The following TMEM272 variants were observed in gnomAD, a reference collection of about 807,000 sequenced individuals.
The protein encoded by TMEM272 is transmembrane protein 272, also known as long intergenic non-protein coding RNA 282.
In TMEM272, 8 loss-of-function variants were observed where a neutral mutation model predicts 3.7. The observed-to-expected ratio is 2.17, with a 90% CI of 1.27 to 3.91. TMEM272 has a LOEUF of 3.91. Among genes scored for constraint, TMEM272 ranks in the 30% most tolerant of loss-of-function variants. TMEM272 has a pLI of 0.00. For synonymous variants in TMEM272, 63 were observed against 39.8 expected, an observed-to-expected ratio of 1.58 and a Z score of -2.20; for missense variants, 166 against 91.5, an observed-to-expected ratio of 1.81 and a Z score of -3.32.
At position 51,816,069 on chromosome 13, in the gene TMEM272, C is replaced by CACACGGT. The variant is rs1566329197; in HGVS notation, c.*681_*682insACCGTGT. ...CAGCAGCGGCACACGGTGCACACGG[C>CACACGGT]GCTGCACTCCGCAATGCCTGTAGCA... On this transcript the variant is annotated 3_prime_UTR_variant, in exon 5 of 5. Coordinates refer to ENST00000629372, the MANE Select transcript of TMEM272 (RefSeq NM_001351003.2). 3 of 152,638 alleles carry CACACGGT rather than the reference C, an allele frequency of 2.0e-5. No individual in the cohort carries two copies. Among genetic ancestry groups the CACACGGT allele is most frequent in the African/African-American group, 7.2e-5 (3 of 41,460 alleles). The allele number at this position is 152,638 out of a possible 1,614,324, so 9.5% of individuals were successfully genotyped here.
the TMEM272 span, chr13:51,932,860 G>C: frequency 6.6e-6 from 1 of 151,990 alleles, no homozygotes; most frequent in African/African-American, 2.4e-5. Context: ...AAAATCAACA[G>C]AATTAGATTC....
At chr13:51,840,818 C>G (rs1227039115) in intron 1 of TMEM272, among the ~76,000 whole-genome samples, 1 of 152,240 alleles carries the variant, frequency 6.6e-6, no homozygotes, top group Admixed American at 6.5e-5. Flanking sequence ...GCTGTGATGT[C>G]CTTATACACA....
rs61957363 is a variant in TMEM272 at position 51,827,832 on chromosome 13, C to T, written c.59-1207G>A. Among the ~76,000 whole-genome samples the T allele has an allele frequency of 5.4e-3, 820 of 152,312 alleles. 3 individuals carry two copies. The highest frequency in any genetic ancestry group is 7.6e-3 in the Non-Finnish European group (514 of 68,026). ...GCATGAAGTTTCACCCTCAATTAAC[C>T]AGCAGAGCCCCACTTACCAGATACG... On this transcript the variant is annotated intron_variant, in intron 2 of 4. Transcript: ENST00000629372.
chr13:51,879,508 C>G, the TMEM272 span, among the ~76,000 whole-genome samples: 1 of 152,192 alleles, frequency 6.6e-6, no homozygotes, highest in Non-Finnish European at 1.5e-5. Flanking sequence ...TTTCCTGTGT[C>G]ATCCAAACCC....
At chr13:51,908,849 G>C in the TMEM272 span, 1 of 1,436,074 alleles carries the variant, frequency 7.0e-7, no homozygotes, top group Non-Finnish European at 9.8e-7. Context: ...GAGGTGACAG[G>C]GGCCCAGTGT....
chr13:51,929,380 G>T, the TMEM272 span, among the ~76,000 whole-genome samples: 1 of 152,220 alleles, frequency 6.6e-6, no homozygotes, highest in South Asian at 2.1e-4. Flanking sequence ...GAGGTATCCA[G>T]TGGCAGGGCT....
chr13:51,873,321 T>C, the TMEM272 span, among the ~76,000 whole-genome samples: 1 of 152,192 alleles, frequency 6.6e-6, no homozygotes, highest in East Asian at 1.9e-4. Flanking sequence ...ATGGCATTTA[T>C]GTAGTTATGT....
At chr13:51,908,941 T>C in the TMEM272 span, 1 of 1,369,964 alleles carries the variant, frequency 7.3e-7, no homozygotes, top group Non-Finnish European at 1.0e-6. Context: ...TCCAGAGGAT[T>C]CCCTGGGCCT....
intron 2 of TMEM272, among the ~76,000 whole-genome samples, chr13:51,836,752 G>A (rs1466017563): frequency 1.3e-5 from 2 of 152,130 alleles, no homozygotes; most frequent in African/African-American, 4.8e-5. Context: ...TTATCTGAGG[G>A]GGCAGGTGGG....
the TMEM272 span, among the ~76,000 whole-genome samples, chr13:51,922,674 G>C: frequency 1.3e-5 from 2 of 152,332 alleles, no homozygotes; most frequent in Non-Finnish European, 2.9e-5. Flanking sequence ...CCGTCCCAGA[G>C]GTTGGAAGTT....
At chr13:51,898,430 TAGAG>T in the TMEM272 span, among the ~76,000 whole-genome samples, 1 of 151,480 alleles carries the variant, frequency 6.6e-6, no homozygotes, top group Non-Finnish European at 1.5e-5. Flanking sequence ...CTCCTTATAA[TAGAG>T]AGGATGGCTG....
At chr13:51,911,031 T>C in the TMEM272 span, among the ~76,000 whole-genome samples, 6 of 152,150 alleles carry the variant, frequency 3.9e-5, no homozygotes, top group Non-Finnish European at 8.8e-5. Context: ...TAACAAATCA[T>C]TGTTTTAAGT....
the TMEM272 span, chr13:51,932,794 T>A: frequency 6.6e-6 from 1 of 152,246 alleles, no homozygotes; most frequent in Non-Finnish European, 1.5e-5. Flanking sequence ...TATAAAATTA[T>A]ATAAATATTT....
chr13:51,927,920 G>A, the TMEM272 span, among the ~76,000 whole-genome samples: 6 of 152,086 alleles, frequency 3.9e-5, no homozygotes, highest in Non-Finnish European at 7.4e-5. Flanking sequence ...ATTTTACACC[G>A]ATTCAGAAGC....
chr13:51,909,865 C>T, the TMEM272 span: 27 of 1,592,812 alleles, frequency 1.7e-5, no homozygotes, highest in Non-Finnish European at 1.8e-5. Context: ...ACTTGTTCTG[C>T]GTGTACTTTG....
At chr13:51,881,274 A>C in the TMEM272 span, among the ~76,000 whole-genome samples, 3 of 152,310 alleles carry the variant, frequency 2.0e-5, no homozygotes, top group Admixed American at 2.0e-4. Flanking sequence ...ATTGTCATTC[A>C]CCAGGGATAG....
chr13:51,892,158 T>C, the TMEM272 span, among the ~76,000 whole-genome samples: 1 of 152,110 alleles, frequency 6.6e-6, no homozygotes, highest in Non-Finnish European at 1.5e-5. Flanking sequence ...CTGCTGACTG[T>C]GGAGAAACTC....
the TMEM272 span, among the ~76,000 whole-genome samples, chr13:51,861,515 T>C: frequency 1.3e-4 from 20 of 152,100 alleles, no homozygotes; most frequent in Non-Finnish European, 1.9e-4. Context: ...AAAAAATCCA[T>C]GAACTTGTAA....
At chr13:51,840,566 A>G (rs1185851983) in intron 1 of TMEM272, among the ~76,000 whole-genome samples, 1 of 152,162 alleles carries the variant, frequency 6.6e-6, no homozygotes. Context: ...TGACCCCCCA[A>G]TCCCTGGGAA....
Sources: gnomAD v4.1 joint callset for allele counts (sites outside exome capture counted in the v4.1 genomes callset) on GRCh38, gnomAD v4.1.1 for gene constraint, MANE v1.5 for transcripts, NCBI Gene and HGNC (gene_info 2026-07-23, HGNC 2026-07-21) for gene names.